The following ISLR2 variants were observed in gnomAD, a reference collection of about 807,000 sequenced individuals.
ISLR2 encodes immunoglobulin superfamily containing leucine-rich repeat protein 2.
In ISLR2, 16 loss-of-function variants were observed where a neutral mutation model predicts 25.5. The ratio of observed to expected loss-of-function variants is 0.63; its 90% CI spans 0.43 to 0.95. ISLR2 has a LOEUF of 0.95. Among genes scored for constraint, ISLR2 ranks in the 40% least tolerant of loss-of-function variants. The pLI is 0.00. For missense variants in ISLR2, 883 were observed against 1,030.7 expected, an observed-to-expected ratio of 0.86 and a Z score of 1.96; for synonymous variants, 508 against 486.6, an observed-to-expected ratio of 1.04 and a Z score of -0.58.
Position 74,133,612 on chromosome 15 carries a change from G to A in ISLR2, c.858G>A (p.Pro286=). Residue 286 remains proline, a synonymous_variant, in exon 3 of 3, where the codon CCG becomes CCA. Coordinates refer to ENST00000453268, the MANE Select transcript of ISLR2 (RefSeq NM_020851.3). The part of the protein sequence containing the change: ...IPGGTVVLEP[P]VLSGEDDGVG... The stretch of plus-strand genomic sequence containing the variant: ...GTGGCACCGTAGTCTTAGAGCCACC[G>A]GTTCTGAGCGGGGAGGACGACGGGG... The A allele has an allele frequency of 6.2e-7, 1 of 1,614,034 alleles. No individual in the cohort carries two copies. Among genetic ancestry groups the A allele is most frequent in the Non-Finnish European group, 8.5e-7 (1 of 1,179,980 alleles).
At chr15:74,116,201 A>C (rs2072209247) in intron 2 of ISLR2, among the ~76,000 whole-genome samples, 2 of 152,180 alleles carry the variant, frequency 1.3e-5, no homozygotes, top group African/African-American at 4.8e-5. Flanking sequence ...GTCTCAAAAT[A>C]AAACAAAGAA....
intron 2 of ISLR2, among the ~76,000 whole-genome samples, chr15:74,108,078 G>A (rs2072135718): frequency 6.6e-6 from 1 of 152,182 alleles, no homozygotes; most frequent in Admixed American, 6.5e-5. Context: ...GCCCAGTCCA[G>A]GTTTCACTGA....
upstream of ISLR2, chr15:74,126,345 G>GTTGTTTTT (rs1228122616): frequency 1.4e-5 from 2 of 139,972 alleles, no homozygotes; most frequent in African/African-American, 5.9e-5. Flanking sequence ...AAAAGCATAG[G>GTTGTTTTT]TATTTTTTTT....
rs1280722304 is a variant in ISLR2 at position 74,134,350 on chromosome 15, G to A, written c.1596G>A (p.Leu532=). 6.3e-7 allele frequency: 1 copy of A among 1,591,776 alleles called. No homozygotes were observed. The highest frequency in any genetic ancestry group is 1.8e-5 in the Admixed American group (1 of 56,384). The change falls in exon 3 of 3, where the codon CTG becomes CTA. Residue 532 remains leucine, a synonymous_variant. Coordinates refer to ENST00000453268, the MANE Select transcript of ISLR2 (RefSeq NM_020851.3). The part of the protein sequence containing the change: ...PGRRPLRLLY[L]CPAGGGAAVQ... ...GGCGACCCCTGCGCCTACTCTATCT[G>A]TGTCCAGCGGGGGGCGGCGCGGCAG...
At chr15:74,138,722 G>A (rs769898951), downstream of ISLR2, among the ~76,000 whole-genome samples, 60 of 152,202 alleles carry the variant, frequency 3.9e-4, 1 homozygote, top group Non-Finnish European at 3.8e-4. Context: ...GAGGGCCACA[G>A]CCTGAGCCCT....
upstream of ISLR2, among the ~76,000 whole-genome samples, chr15:74,124,622 G>T (rs2072277895): frequency 6.6e-6 from 1 of 152,142 alleles, no homozygotes; most frequent in South Asian, 2.1e-4. Flanking sequence ...AGCGGGGTGT[G>T]GTGGCACGCA....
chr15:74,123,150 A>G (rs1433277219), upstream of ISLR2, among the ~76,000 whole-genome samples: 13 of 152,222 alleles, frequency 8.5e-5, no homozygotes, highest in Non-Finnish European at 1.3e-4. Context: ...TTGAAGCAGG[A>G]AGACTCCCTC....
At chr15:74,129,099 C>CG (rs34306251), upstream of ISLR2, 337 of 453,152 alleles carry the variant, frequency 7.4e-4, no homozygotes, top group African/African-American at 3.3e-3. The surrounding 1 kb of genome is among the most constrained non-coding windows in gnomAD (Gnocchi z 4.5). Flanking sequence ...CATGGGTCGG[C>CG]GGGGGGGGAC....
upstream of ISLR2, among the ~76,000 whole-genome samples, chr15:74,124,633 C>T (rs1167100184): frequency 2.0e-5 from 3 of 152,126 alleles, no homozygotes; most frequent in African/African-American, 7.2e-5. Context: ...GTGGCACGCA[C>T]CTGTAATCCA....
intron 2 of ISLR2, among the ~76,000 whole-genome samples, chr15:74,109,648 G>A (rs1364280034): frequency 2.6e-5 from 4 of 152,176 alleles, no homozygotes; most frequent in Admixed American, 6.5e-5. Context: ...ACCACAGGTC[G>A]CTGAACCCAC....
In ISLR2 at chr15:74,113,870, T is replaced by A. The variant is rs544092575; in HGVS notation, n.228+9956T>A. The stretch of plus-strand genomic sequence containing the variant: ...CTGAAATCGCTGTTTAGCTCTCAGC[T>A]CCCCATCAGCTGTTCTGTGCTGGGC... On this transcript the variant is annotated intron_variant and non_coding_transcript_variant, in intron 2 of 3. Coordinates refer to the ISLR2 transcript ENST00000561975. Among the ~76,000 whole-genome samples the A allele has an allele frequency of 5.3e-3, 814 of 152,304 alleles. 6 individuals carry two copies. The highest frequency in any genetic ancestry group is 0.027 in the Middle Eastern group (8 of 294).
Position 74,134,814 on chromosome 15 carries a change from G to C in ISLR2, c.2060G>C (p.Ser687Thr), listed in dbSNP as rs750076700. ...LDEDAEQGDP[S>T]GDLQREESLA... is the part of the protein sequence containing the mutation. ...GAAGACGCGGAGCAGGGAGACCCAA[G>C]TGGGGACCTGCAGAGAGAGGAGAGC... The change falls in exon 3 of 3, where the codon AGT becomes ACT. Residue 687 changes from serine to threonine, a missense_variant. Around this residue, in one of 2 missense-constraint regions of ISLR2, gnomAD observed 612 missense variants for 642.8 expected, o/e 0.95. Coordinates refer to ENST00000453268, the MANE Select transcript of ISLR2 (RefSeq NM_020851.3). 6.2e-7 allele frequency: 1 copy of C among 1,614,144 alleles called. No homozygotes were observed. The highest frequency in any genetic ancestry group is 1.1e-5 in the South Asian group (1 of 91,084).
chr15:74,118,170 G>T (rs1339524888), intron 2 of ISLR2, among the ~76,000 whole-genome samples: 1 of 152,120 alleles, frequency 6.6e-6, no homozygotes, highest in Non-Finnish European at 1.5e-5. Context: ...TTTAAAGCTG[G>T]GTGTCCGGGG....
At chr15:74,140,300 AAGATTCGTTGTCAGT>A (rs2072604836), downstream of ISLR2, among the ~76,000 whole-genome samples, 1 of 152,158 alleles carries the variant, frequency 6.6e-6, no homozygotes, top group Non-Finnish European at 1.5e-5. Context: ...AACATCTCCA[AAGATTCGTTGTCAGT>A]ACATATATGG....
At chr15:74,107,643 A>G (rs772805012) in intron 2 of ISLR2, among the ~76,000 whole-genome samples, 32 of 151,364 alleles carry the variant, frequency 2.1e-4, no homozygotes, top group Admixed American at 6.6e-5. Context: ...CACCCTTCCC[A>G]CCTCCTGATG....
chr15:74,133,401 C>T lies in ISLR2; in HGVS notation c.647C>T (p.Ala216Val). Residue 216 changes from alanine (A) to valine (V), a missense_variant, in exon 3 of 3, where the codon GCG (alanine) becomes GTG (valine). Coordinates refer to ENST00000453268, the MANE Select transcript of ISLR2 (RefSeq NM_020851.3). Reference protein sequence around the residue: ...PDSIACASPPALQGVPVYRLP... With the variant: ...PDSIACASPPVLQGVPVYRLP... ...TCCATTGCTTGTGCCTCGCCTCCCG[C>T]GCTGCAGGGGGTGCCGGTGTACCGC... is the stretch of plus-strand genomic sequence containing the variant. The T allele has an allele frequency of 6.2e-7, 1 of 1,607,072 alleles. No homozygotes were observed.
chr15:74,113,096 G>C (rs1223837935), intron 2 of ISLR2, among the ~76,000 whole-genome samples: 1 of 152,226 alleles, frequency 6.6e-6, no homozygotes, highest in Non-Finnish European at 1.5e-5. Flanking sequence ...TTCTCATAAA[G>C]AGTGTGAAAC....
rs1311010478 is a variant in ISLR2, at chr15:74,132,145, A to G, written c.-8-602A>G. 6.5e-6 allele frequency: 1 copy of G among 154,390 alleles called. No homozygotes were observed. The highest frequency in any genetic ancestry group is 2.4e-5 in the African/African-American group (1 of 41,460). 9.6% of individuals were successfully genotyped at this position (154,390 alleles called of 1,614,324 possible). On this transcript the variant is annotated intron_variant, in intron 2 of 2. Coordinates refer to ENST00000453268, the MANE Select transcript of ISLR2 (RefSeq NM_020851.3). This position sits in a 1 kb window ranked among gnomAD's most constrained non-coding sequence, Gnocchi z 4.3. ...GAGAACAATGAGGTCTGCAGGGTCT[A>G]TTGTGTCCATGTCTGGGTGCATATG...
downstream of ISLR2, chr15:74,138,288 C>CTTTTTTTTTTTTT (rs34518777): frequency 9.8e-5 from 9 of 91,672 alleles, no homozygotes; most frequent in Non-Finnish European, 1.7e-4. Context: ...TTTCTTTTCT[C>CTTTTTTTTTTTTT]TTTTTTTTTT....
Sources: gnomAD v4.1 joint callset for allele counts (sites outside exome capture counted in the v4.1 genomes callset) on GRCh38, gnomAD v4.1.1 for gene constraint, gnomAD v4.1.1 regional missense constraint, Gnocchi (gnomAD v3.1) non-coding constraint, MANE v1.5 for transcripts, NCBI Gene and HGNC (gene_info 2026-07-23, HGNC 2026-07-21) for gene names.